Variants in TRMT9B observed in about 807,000 individuals in gnomAD.
The protein encoded by TRMT9B is tRNA methyltransferase 9B (putative), also known as probable tRNA methyltransferase 9B.
TRMT9B carries 16 observed loss-of-function variants against 11.5 expected under a neutral mutation model. The observed-to-expected ratio is 1.39, with a 90% CI of 0.94 to 2.11. The LOEUF is 2.11. Ranked by LOEUF, TRMT9B falls within the 30% of genes most tolerant of loss-of-function variation. The pLI, the probability that TRMT9B is intolerant of heterozygous loss-of-function variation, is 0.00. For missense variants in TRMT9B, 941 were observed against 553.8 expected, an observed-to-expected ratio of 1.70 and a Z score of -7.02; for synonymous variants, 274 against 192.4, an observed-to-expected ratio of 1.42 and a Z score of -3.51.
intron 1 of TRMT9B, among the ~76,000 whole-genome samples, chr8:12,984,418 T>A (rs1805919947): frequency 6.6e-6 from 1 of 152,206 alleles, no homozygotes; most frequent in Non-Finnish European, 1.5e-5. Flanking sequence ...GAAAAATCAT[T>A]AGGTGACTTA....
chr8:12,999,021 C>G (rs1019187760), intron 2 of TRMT9B, among the ~76,000 whole-genome samples: 1 of 152,044 alleles, frequency 6.6e-6, no homozygotes, highest in Non-Finnish European at 1.5e-5. Context: ...TGTTCAGGGG[C>G]TGGGCGCAGT....
chr8:13,004,416 G>A (rs1311972397), intron 2 of TRMT9B, among the ~76,000 whole-genome samples: 1 of 151,532 alleles, frequency 6.6e-6, no homozygotes, highest in African/African-American at 2.4e-5. Flanking sequence ...CCTTCCTTCT[G>A]CTTGAGGAGA....
At chr8:12,987,753 C>A (rs1232566599) in intron 1 of TRMT9B, among the ~76,000 whole-genome samples, 8 of 152,078 alleles carry the variant, frequency 5.3e-5, no homozygotes, top group African/African-American at 1.9e-4. Flanking sequence ...CCTCCCTAGC[C>A]TACCTTAAAC....
intron 3 of TRMT9B, chr8:13,012,183 T>G (rs2128894534): frequency 1.0e-6 from 1 of 985,442 alleles, no homozygotes; most frequent in East Asian, 1.1e-4. Context: ...TGCCTTTCTC[T>G]CTTCTATATG....
At chr8:12,993,163 G>C (rs1807681357) in intron 2 of TRMT9B, among the ~76,000 whole-genome samples, 1 of 152,212 alleles carries the variant, frequency 6.6e-6, no homozygotes, top group Admixed American at 6.5e-5. Flanking sequence ...AAAGTGGACT[G>C]GACCAGGTCA....
chr8:13,023,574 C>G lies in TRMT9B; in HGVS notation c.*1530C>G, dbSNP rs1489918544. On this transcript the variant is annotated 3_prime_UTR_variant, in exon 5 of 5. Transcript: ENST00000524591. ...TCCTGAGACACAAATATAATTAAGA[C>G]AGGTCTAGAGACAGGAGAAGCAGAA... is the stretch of plus-strand genomic sequence containing the variant. 6.0e-6 allele frequency: 1 copy of G among 167,010 alleles called. No individual in the cohort carries two copies. The highest frequency in any genetic ancestry group is 2.4e-5 in the African/African-American group (1 of 41,416). 10.3% of individuals were successfully genotyped at this position (167,010 alleles called of 1,614,324 possible).
rs1814647798 is a variant in TRMT9B at position 13,026,034 on chromosome 8, G to A, written c.*3990G>A. On this transcript the variant is annotated 3_prime_UTR_variant, in exon 5 of 5. Coordinates refer to ENST00000524591, the MANE Select transcript of TRMT9B (RefSeq NM_020844.3). ...AAATTAATACATATATACGAGTTTG[G>A]AGGAGAACAGAAGTTCTAACTCAGT... 6.0e-6 allele frequency: 1 copy of A among 167,016 alleles called. No individual in the cohort carries two copies. The highest frequency in any genetic ancestry group is 2.4e-5 in the African/African-American group (1 of 41,430). 10.3% of individuals were successfully genotyped at this position (167,016 alleles called of 1,614,324 possible). A position where few individuals can be genotyped will look rare whatever the true frequency, so the allele number is the denominator to read the frequency against.
intron 1 of TRMT9B, chr8:12,958,721 G>T (rs1287186630): frequency 2.6e-5 from 4 of 152,120 alleles, no homozygotes; most frequent in African/African-American, 4.8e-5. Flanking sequence ...TTGAACAAAA[G>T]AATTCTCCAT....
At chr8:12,962,307 C>G (rs1802231075) in intron 1 of TRMT9B, 1 of 152,160 alleles carries the variant, frequency 6.6e-6, no homozygotes, top group African/African-American at 2.4e-5. Flanking sequence ...AACCTACATG[C>G]AGAATGTTGA....
chr8:12,991,525 T>C (rs537030426), intron 2 of TRMT9B, among the ~76,000 whole-genome samples: 346 of 152,366 alleles, frequency 2.3e-3, no homozygotes, highest in Non-Finnish European at 3.7e-3. Flanking sequence ...TTTTATGCTC[T>C]CTCTTTTTTA....
intron 1 of TRMT9B, among the ~76,000 whole-genome samples, chr8:12,974,005 T>TA (rs151131766): frequency 1.3e-5 from 2 of 151,532 alleles, no homozygotes; most frequent in Admixed American, 6.6e-5. Context: ...AAAAATATAT[T>TA]AAAATTTTTT....
intron 2 of TRMT9B, among the ~76,000 whole-genome samples, chr8:12,998,690 C>T (rs796591590): frequency 3.3e-5 from 5 of 152,230 alleles, no homozygotes; most frequent in Non-Finnish European, 7.3e-5. Context: ...ACAAAGCCTT[C>T]TTTCTCAGAG....
At chr8:13,011,088 G>A (rs963655192) in intron 3 of TRMT9B, 2 of 390,738 alleles carry the variant, frequency 5.1e-6, no homozygotes, top group African/African-American at 4.4e-5. Flanking sequence ...GAATTTAAGT[G>A]ATTTTTTTCT....
intron 2 of TRMT9B, among the ~76,000 whole-genome samples, chr8:12,991,797 G>A (rs191755077): frequency 6.6e-6 from 1 of 152,024 alleles, no homozygotes; most frequent in African/African-American, 2.4e-5. Context: ...CAGGCGTGGT[G>A]GTGGGCGCCT....
At position 12,951,406 on chromosome 8, in the gene TRMT9B, C is replaced by G. The variant is rs986381517; in HGVS notation, c.-200+5440C>G. ...GGTACTGCGCTGATGCGCTGCGGGCCGACCAGGTGCTCCCGCCGGGGCGTC... is the reference window on the plus strand; with the variant it reads ...GGTACTGCGCTGATGCGCTGCGGGCGGACCAGGTGCTCCCGCCGGGGCGTC... On this transcript the variant is annotated intron_variant, in intron 1 of 4. Coordinates refer to ENST00000524591, the MANE Select transcript of TRMT9B (RefSeq NM_020844.3). The G allele has an allele frequency of 4.6e-5, 7 of 152,466 alleles. No individual in the cohort carries two copies. In the South Asian group the frequency reaches 8.3e-4, roughly 18 times the overall value. 9.4% of individuals were successfully genotyped at this position (152,466 alleles called of 1,614,324 possible).
At chr8:12,983,386 C>T (rs1184291219) in intron 1 of TRMT9B, among the ~76,000 whole-genome samples, 2 of 152,018 alleles carry the variant, frequency 1.3e-5, no homozygotes, top group African/African-American at 4.8e-5. Context: ...AGCCATCTAG[C>T]AGGCTGGGTA....
intron 1 of TRMT9B, among the ~76,000 whole-genome samples, chr8:12,967,152 G>C (rs1585122981): frequency 6.6e-6 from 1 of 152,144 alleles, no homozygotes; most frequent in East Asian, 1.9e-4. Context: ...AGGATCCTGG[G>C]TAAGTCATCT....
intron 1 of TRMT9B, among the ~76,000 whole-genome samples, chr8:12,956,595 T>C (rs1801345127): frequency 6.6e-6 from 1 of 152,242 alleles, no homozygotes; most frequent in East Asian, 1.9e-4. Flanking sequence ...AGTCTACCCA[T>C]TTAATGAACC....
intron 1 of TRMT9B, chr8:12,951,768 C>A (rs1007612151): frequency 3.4e-4 from 52 of 152,040 alleles, no homozygotes; most frequent in African/African-American, 1.3e-3. Context: ...GTCGCGGGGC[C>A]AGCCCAAAGC....
Sources: gnomAD v4.1 joint callset for allele counts (sites outside exome capture counted in the v4.1 genomes callset) on GRCh38, gnomAD v4.1.1 for gene constraint, MANE v1.5 for transcripts, NCBI Gene and HGNC (gene_info 2026-07-23, HGNC 2026-07-21) for gene names.